Variants in CTNNA3 observed in about 807,000 individuals in gnomAD.
CTNNA3 encodes the protein catenin alpha 3.
CTNNA3 carries 76 observed loss-of-function variants against 95.7 expected under a neutral mutation model. The ratio of observed to expected loss-of-function variants is 0.79; its 90% CI spans 0.66 to 0.96. The LOEUF (loss-of-function observed/expected upper bound fraction) is 0.96. Ranked by LOEUF, CTNNA3 falls within the 40% of genes least tolerant of loss-of-function variation. The probability of loss-of-function intolerance (pLI) is 0.00; values close to 1 mark genes in which losing one functional copy is unlikely to be tolerated. For missense variants in CTNNA3, 1,191 were observed against 1,089.8 expected (o/e 1.09, Z -1.31); for synonymous variants, 431 against 374.4 (o/e 1.15, Z -1.74).
rs535577559 is a variant in CTNNA3, at chr10:66,568,630, C to A, written c.1375-47857G>T. ...ACCTTCCATTGCACAGTTAAAGAGA[C>A]TGCAGTCCAAGAAGGGTAAGGGGTT... is the stretch of plus-strand genomic sequence containing the variant. On this transcript the variant is annotated intron_variant, in intron 10 of 17. Transcript: ENST00000433211. 3.3e-5 allele frequency among the ~76,000 whole-genome samples: 5 copies of A among 152,134 alleles called. No homozygotes were observed. In the South Asian group the frequency reaches 1.0e-3, roughly 32 times the overall value.
intron 9 of CTNNA3, among the ~76,000 whole-genome samples, chr10:66,703,113 C>T (rs1292546024): frequency 1.3e-5 from 2 of 152,130 alleles, no homozygotes; most frequent in African/African-American, 4.8e-5. Flanking sequence ...CAGACACCAT[C>T]TTTTTTTCTC....
At chr10:67,004,220 C>T (rs1031451580) in intron 7 of CTNNA3, among the ~76,000 whole-genome samples, 3 of 152,038 alleles carry the variant, frequency 2.0e-5, no homozygotes, top group African/African-American at 7.2e-5. Flanking sequence ...ATTTTGATTT[C>T]TACAAAAAAG....
intron 11 of CTNNA3, among the ~76,000 whole-genome samples, chr10:66,457,072 C>A (rs1245571211): frequency 1.3e-5 from 2 of 152,008 alleles, no homozygotes; most frequent in Non-Finnish European, 2.9e-5. Context: ...CCAGCCTAGG[C>A]ATCAAATTGA....
intron 9 of CTNNA3, among the ~76,000 whole-genome samples, chr10:66,662,403 C>A (rs1376647059): frequency 6.6e-6 from 1 of 152,206 alleles, no homozygotes; most frequent in Non-Finnish European, 1.5e-5. Flanking sequence ...AACTTCCCTA[C>A]TGTCCTAGAT....
At chr10:67,270,130 C>CAAAA (rs201216673) in intron 5 of CTNNA3, among the ~76,000 whole-genome samples, 1 of 100,588 alleles carries the variant, frequency 9.9e-6, no homozygotes, top group African/African-American at 3.4e-5. Context: ...CAGTATTTGT[C>CAAAA]AAAAAAAAAA....
chr10:66,661,351 G>A (rs942362904), intron 9 of CTNNA3, among the ~76,000 whole-genome samples: 3 of 151,978 alleles, frequency 2.0e-5, no homozygotes, highest in African/African-American at 7.3e-5. Flanking sequence ...TAAACCCATC[G>A]GTTCTTGTGA....
chr10:67,289,297 GA>G (rs1839733999), intron 5 of CTNNA3, among the ~76,000 whole-genome samples: 1 of 152,070 alleles, frequency 6.6e-6, no homozygotes, highest in Non-Finnish European at 1.5e-5. Flanking sequence ...AGGAGAGAAA[GA>G]AAGCACCAGT....
chr10:66,614,214 T>C (rs1844430828), intron 10 of CTNNA3, among the ~76,000 whole-genome samples: 1 of 152,014 alleles, frequency 6.6e-6, no homozygotes, highest in African/African-American at 2.4e-5. Flanking sequence ...ACTGGGACTT[T>C]TTATCATTTT....
At chr10:67,243,480 A>T (rs1865795602) in intron 5 of CTNNA3, among the ~76,000 whole-genome samples, 1 of 152,230 alleles carries the variant, frequency 6.6e-6, no homozygotes, top group Non-Finnish European at 1.5e-5. Context: ...TTTCTCTGTC[A>T]TACCATCAGA....
intron 11 of CTNNA3, among the ~76,000 whole-genome samples, chr10:66,491,984 A>G (rs886993386): frequency 2.0e-5 from 3 of 152,026 alleles, no homozygotes; most frequent in African/African-American, 7.2e-5. Context: ...TTCCTAATCA[A>G]TCCACCAGGG....
At chr10:67,366,302 A>T (rs2132686746) in intron 5 of CTNNA3, among the ~76,000 whole-genome samples, 1 of 152,304 alleles carries the variant, frequency 6.6e-6, no homozygotes, top group South Asian at 2.1e-4. Flanking sequence ...GCACATGTAT[A>T]CCTATGTAAC....
intron 15 of CTNNA3, among the ~76,000 whole-genome samples, chr10:66,056,269 T>A (rs867682252): frequency 6.6e-5 from 10 of 152,224 alleles, no homozygotes; most frequent in South Asian, 2.1e-4. Context: ...AGATTTTTTT[T>A]AAGAATCTTT....
At chr10:67,354,167 G>C (rs2132652172) in intron 5 of CTNNA3, among the ~76,000 whole-genome samples, 1 of 152,122 alleles carries the variant, frequency 6.6e-6, no homozygotes, top group African/African-American at 2.4e-5. Context: ...TTAATGCACA[G>C]TATAAAACAA....
chr10:67,385,323 T>C (rs531460124), intron 5 of CTNNA3, among the ~76,000 whole-genome samples: 1 of 152,246 alleles, frequency 6.6e-6, no homozygotes, highest in Non-Finnish European at 1.5e-5. Flanking sequence ...AATTCACTTA[T>C]GCAAGAATGG....
chr10:67,174,864 C>A (rs1411381412), intron 7 of CTNNA3, among the ~76,000 whole-genome samples: 1 of 152,098 alleles, frequency 6.6e-6, no homozygotes, highest in Non-Finnish European at 1.5e-5. Flanking sequence ...CATATCCACT[C>A]TTGCACAGAC....
At chr10:67,292,551 C>T (rs949547583) in intron 5 of CTNNA3, among the ~76,000 whole-genome samples, 1 of 152,060 alleles carries the variant, frequency 6.6e-6, no homozygotes, top group Non-Finnish European at 1.5e-5. Flanking sequence ...TTTTCAGATT[C>T]CATAATTAGT....
intron 6 of CTNNA3, among the ~76,000 whole-genome samples, chr10:67,209,415 T>G (rs1251317471): frequency 6.6e-6 from 1 of 152,202 alleles, no homozygotes; most frequent in African/African-American, 2.4e-5. Context: ...GGTATTTTGC[T>G]GTAATGTGAA....
At chr10:67,654,959 A>AC (rs1201191555) in intron 1 of CTNNA3, among the ~76,000 whole-genome samples, 1 of 152,210 alleles carries the variant, frequency 6.6e-6, no homozygotes, top group Non-Finnish European at 1.5e-5. Context: ...ATAGTCGAAA[A>AC]CACAGAAATA....
At chr10:67,330,898 G>C (rs941982147) in intron 5 of CTNNA3, among the ~76,000 whole-genome samples, 1 of 152,168 alleles carries the variant, frequency 6.6e-6, no homozygotes, top group Non-Finnish European at 1.5e-5. Context: ...CCAAAGCTAA[G>C]ATCTGAATTC....
Sources: allele counts gnomAD v4.1 joint callset (sites outside exome capture counted in the v4.1 genomes callset), GRCh38; gene constraint gnomAD v4.1.1; transcripts MANE v1.5; gene names NCBI Gene and HGNC (gene_info 2026-07-23, HGNC 2026-07-21).